HSD17B4: variants seen among roughly 807,000 people sequenced by gnomAD.
The protein encoded by HSD17B4 is hydroxysteroid 17-beta dehydrogenase 4, also known as peroxisomal multifunctional enzyme type 2.
Under a neutral mutation model 101.0 loss-of-function variants are expected in HSD17B4, and 70 were observed. The observed-to-expected ratio is 0.69, with a 90% confidence interval of 0.57 to 0.85. The LOEUF is 0.85. Ranked by LOEUF, HSD17B4 falls within the 40% of genes least tolerant of loss-of-function variation. The pLI is 0.00. For synonymous variants in HSD17B4, 347 were observed against 297.1 expected (o/e 1.17, Z -1.73); for missense variants, 984 against 892.4 (o/e 1.10, Z -1.31).
intron 2 of HSD17B4, among the ~76,000 whole-genome samples, chr5:119,473,352 TC>T (rs1281249187): frequency 1.2e-4 from 17 of 141,920 alleles, no homozygotes; most frequent in African/African-American, 3.9e-4. Context: ...AGGGTCTTGC[TC>T]TGTTGCCCAG....
intron 20 of HSD17B4, among the ~76,000 whole-genome samples, chr5:119,527,987 A>G (rs1753751916): frequency 2.0e-5 from 3 of 152,168 alleles, no homozygotes; most frequent in African/African-American, 4.8e-5. Flanking sequence ...TTGTTAACAC[A>G]GTTGACCAGG....
intron 2 of HSD17B4, among the ~76,000 whole-genome samples, chr5:119,465,382 A>C (rs1755705425): frequency 1.3e-5 from 2 of 152,164 alleles, no homozygotes; most frequent in African/African-American, 4.8e-5. Flanking sequence ...TACTCAGTTC[A>C]TGTGAGATCT....
Position 119,499,333 on chromosome 5 carries a change from A to G in HSD17B4, c.989A>G (p.Gln330Arg). The stretch of plus-strand genomic sequence containing the variant: ...TGTTCTTAGGCTGGAGCTATTGGCC[A>G]GAAACTCCCTCCATTTTCTTATGCT... The part of the protein sequence containing the change: ...ATSGFAGAIG[Q>R]KLPPFSYAYT... Residue 330 changes from glutamine to arginine, a missense_variant, in exon 13 of 24, where the codon CAG becomes CGG. Physicochemically the swap from Gln to Arg is conservative, Grantham distance 43. Transcript: ENST00000510025. 1 of 1,612,804 alleles carries G rather than the reference A, an allele frequency of 6.2e-7. No individual in the cohort carries two copies. Among genetic ancestry groups the G allele is most frequent in the Non-Finnish European group, 8.5e-7 (1 of 1,178,808 alleles).
At chr5:119,506,178 C>T (rs1751635749) in intron 14 of HSD17B4, among the ~76,000 whole-genome samples, 1 of 152,092 alleles carries the variant, frequency 6.6e-6, no homozygotes, top group Non-Finnish European at 1.5e-5. Context: ...TCCTGCACAC[C>T]TTGACAGGCC....
intron 11 of HSD17B4, chr5:119,495,685 T>A (rs1168411366): frequency 7.4e-5 from 13 of 176,614 alleles, no homozygotes; most frequent in Non-Finnish European, 3.7e-5. Flanking sequence ...ATTTATTTAT[T>A]TTTAAGACAG....
intron 20 of HSD17B4, among the ~76,000 whole-genome samples, chr5:119,528,821 A>T (rs1330118587): frequency 6.6e-6 from 1 of 151,906 alleles, no homozygotes; most frequent in African/African-American, 2.4e-5. Context: ...TTTTCAGCAT[A>T]TTTGCTATAT....
At chr5:119,469,663 C>T (rs561407579) in intron 2 of HSD17B4, among the ~76,000 whole-genome samples, 17 of 152,272 alleles carry the variant, frequency 1.1e-4, no homozygotes, top group Non-Finnish European at 1.9e-4. Context: ...CCTGTTTTTC[C>T]ATGTTTCTTT....
At chr5:119,535,445 C>T (rs548726151) in intron 22 of HSD17B4, among the ~76,000 whole-genome samples, 68 of 151,976 alleles carry the variant, frequency 4.5e-4, no homozygotes, top group African/African-American at 1.5e-3. Flanking sequence ...ATGAGTTCCT[C>T]AGTCTTTGCT....
chr5:119,540,647 G>A (rs1754913997), intron 23 of HSD17B4, among the ~76,000 whole-genome samples: 1 of 152,142 alleles, frequency 6.6e-6, no homozygotes, highest in South Asian at 2.1e-4. Flanking sequence ...CTGGTCTCCT[G>A]TTTGAATGCA....
chr5:119,474,113 A>G, intron 3 of HSD17B4, 98 bp downstream of exon 3: 1 of 791,052 alleles, frequency 1.3e-6, no homozygotes, highest in South Asian at 1.5e-5. Context: ...ATTCCAGTAT[A>G]ATTATGATTT....
chr5:119,474,034 CT>C lies in HSD17B4; in HGVS notation c.220+20del. The C allele has an allele frequency of 1.6e-6, 2 of 1,259,952 alleles. No homozygotes were observed. The highest frequency in any genetic ancestry group is 2.3e-6 in the Non-Finnish European group (2 of 861,464). 78.0% of individuals were successfully genotyped at this position (1,259,952 alleles called of 1,614,324 possible). On this transcript the variant is annotated intron_variant, in intron 3 of 23. Coordinates refer to ENST00000510025, the MANE Select transcript of HSD17B4 (RefSeq NM_000414.4). ...AACTATGGTATGGTATTTGAGAGAA[CT>C]ATACTATTTATTTTCCTTCAACTAA...
intron 16 of HSD17B4, among the ~76,000 whole-genome samples, chr5:119,512,102 T>C (rs1312488631): frequency 1.3e-5 from 2 of 152,100 alleles, no homozygotes; most frequent in African/African-American, 4.8e-5. Context: ...AAATGTAGAT[T>C]TGACAAAAGA....
At chr5:119,525,762 T>G in intron 18 of HSD17B4, 155 bp from the exon 19 acceptor site, 1 of 579,910 alleles carries the variant, frequency 1.7e-6, no homozygotes. Flanking sequence ...TCCCAGGAAA[T>G]ACTCTTTAAA....
At chr5:119,485,694 T>C (rs570596085) in intron 8 of HSD17B4, among the ~76,000 whole-genome samples, 24 of 152,320 alleles carry the variant, frequency 1.6e-4, no homozygotes, top group African/African-American at 5.3e-4. Flanking sequence ...ACATTTTTGC[T>C]ATTTCATTTC....
At chr5:119,530,601 C>A (rs1417832276) in intron 21 of HSD17B4, among the ~76,000 whole-genome samples, 1 of 150,864 alleles carries the variant, frequency 6.6e-6, no homozygotes, top group Non-Finnish European at 1.5e-5. Flanking sequence ...GCCTGTAATC[C>A]CAGCCCTTTG....
chr5:119,474,434 C>G lies in HSD17B4; in HGVS notation c.254C>G (p.Thr85Arg). The G allele has an allele frequency of 6.2e-7, 1 of 1,609,770 alleles. No individual in the cohort carries two copies. Among genetic ancestry groups the G allele is most frequent in the East Asian group, 2.2e-5 (1 of 44,790 alleles). ...SVEEGEKVVK[T>R]ALDAFGRIDV... ...GAAGAAGGAGAGAAGGTTGTGAAGA[C>G]AGCCCTGGATGCTTTTGGAAGAATA... Residue 85 changes from threonine (T) to arginine (R), a missense_variant, in exon 4 of 24, where the codon ACA becomes AGA. Thr to Arg is a moderately conservative substitution (Grantham distance 71, BLOSUM62 -1). Transcript: ENST00000510025.
intron 22 of HSD17B4, among the ~76,000 whole-genome samples, chr5:119,532,316 A>G (rs980440788): frequency 5.3e-5 from 8 of 152,032 alleles, no homozygotes; most frequent in African/African-American, 1.9e-4. Flanking sequence ...CTCTCATTTG[A>G]CTTTGGGCTT....
intron 17 of HSD17B4, among the ~76,000 whole-genome samples, chr5:119,517,357 G>A (rs1752717210): frequency 6.6e-6 from 1 of 152,206 alleles, no homozygotes; most frequent in Non-Finnish European, 1.5e-5. Flanking sequence ...CAGGGCTCGG[G>A]ACCTGCAGCC....
At position 119,477,659 on chromosome 5, in the gene HSD17B4, A is replaced by G. The variant is rs201013794; in HGVS notation, c.434+158A>G. ...TGGTTTTGGCACATACCCTCATTAA[A>G]TTGGTATAATTTAGTCACAGATTGG... On this transcript the variant is annotated intron_variant, in intron 7 of 23. Coordinates refer to ENST00000510025, the MANE Select transcript of HSD17B4 (RefSeq NM_000414.4). 2.4e-5 allele frequency: 16 copies of G among 656,176 alleles called. No homozygotes were observed. The East Asian group carries it at 4.5e-4, about 18-fold the overall frequency. The allele number at this position is 656,176 out of a possible 1,614,324, so 40.6% of individuals were successfully genotyped here.
Sources: gnomAD v4.1 joint callset for allele counts (sites outside exome capture counted in the v4.1 genomes callset) on GRCh38, gnomAD v4.1.1 for gene constraint, MANE v1.5 for transcripts, NCBI Gene and HGNC (gene_info 2026-07-23, HGNC 2026-07-21) for gene names.